The following FAM181A variants were observed in gnomAD, a reference collection of about 807,000 sequenced individuals.
FAM181A encodes the protein family with sequence similarity 181 member A.
A neutral mutation model predicts 16.3 loss-of-function variants in FAM181A; 7 were observed. The ratio of observed to expected loss-of-function variants is 0.43; its 90% confidence interval spans 0.24 to 0.81. The LOEUF (loss-of-function observed/expected upper bound fraction) is 0.81. Among genes scored for constraint, FAM181A ranks in the 30% least tolerant of loss-of-function variants. The probability of loss-of-function intolerance (pLI) is 0.24; values close to 1 mark genes in which losing one functional copy is unlikely to be tolerated. For missense variants in FAM181A, 349 were observed against 377.5 expected (o/e 0.92, Z 0.63); for synonymous variants, 183 against 164.9 (o/e 1.11, Z -0.84).
chr14:93,929,096 G>C lies in FAM181A; in HGVS notation c.811G>C (p.Val271Leu), dbSNP rs1461556804. ...GGGGCAGAAGGTGTGCAGGCCCGTG[G>C]TGCTGAAACCCATCCCCACCAAGCC... ...GLGQKVCRPV[V>L]LKPIPTKPAV... Residue 271 changes from valine to leucine, a missense_variant, in exon 2 of 2, where the codon GTG becomes CTG. Physicochemically the swap from Val to Leu is conservative, Grantham distance 32. Coordinates refer to ENST00000556222, the MANE Select transcript of FAM181A (RefSeq NM_001207073.2). 2 of 1,543,900 alleles carry C rather than the reference G, an allele frequency of 1.3e-6. No homozygotes were observed. Among genetic ancestry groups the C allele is most frequent in the East Asian group, 4.5e-5 (2 of 44,290 alleles).
At chr14:93,924,706 G>A (rs751425912), upstream of FAM181A, among the ~76,000 whole-genome samples, 5 of 152,218 alleles carry the variant, frequency 3.3e-5, no homozygotes, top group South Asian at 2.1e-4. Flanking sequence ...GGCCGGCAGC[G>A]CTTAGGCAGC....
chr14:93,922,296 T>C (rs7155685), intron 1 of FAM181A: 119,013 of 152,242 alleles, frequency 0.78, 47,438 homozygotes, highest in African/African-American at 0.92. Flanking sequence ...GCTAGGCTGC[T>C]GACTGGTGAA....
chr14:93,924,298 G>A (rs1403287910), upstream of FAM181A, among the ~76,000 whole-genome samples: 3 of 152,220 alleles, frequency 2.0e-5, no homozygotes, highest in Non-Finnish European at 4.4e-5. Context: ...GGGTGTTTGA[G>A]CTGGGCCTTT....
chr14:93,920,411 CA>C (rs919055268), intron 1 of FAM181A, among the ~76,000 whole-genome samples: 5 of 128,776 alleles, frequency 3.9e-5, no homozygotes, highest in African/African-American at 1.2e-4. Context: ...GACCTTGTCT[CA>C]AAAAAAGAAG....
chr14:93,925,068 C>T (rs1458955668), upstream of FAM181A: 1 of 538,442 alleles, frequency 1.9e-6, no homozygotes, highest in Non-Finnish European at 3.2e-6. Flanking sequence ...AAGAACAGCC[C>T]ACATTAAGAG....
Position 93,928,372 on chromosome 14 carries a change from A to G in FAM181A, c.87A>G (p.Ala29=). Residue 29 remains alanine, a synonymous_variant, in exon 2 of 2, where the codon GCA becomes GCG. Coordinates refer to ENST00000556222, the MANE Select transcript of FAM181A (RefSeq NM_001207073.2). The part of the protein sequence containing the change: ...SDIKAALDKS[A]PCRRSVDHRK... ...TCAAGGCAGCCCTGGATAAGTCCGC[A>G]CCCTGCCGCCGCTCCGTGGACCATC... is the stretch of plus-strand genomic sequence containing the variant. 1 of 1,613,278 alleles carries G rather than the reference A, an allele frequency of 6.2e-7. No homozygotes were observed. The highest frequency in any genetic ancestry group is 8.5e-7 in the Non-Finnish European group (1 of 1,179,936).
rs1035107297 is a variant in FAM181A at position 93,929,340 on chromosome 14, C to A, written c.*176C>A. 2 of 898,608 alleles carry A rather than the reference C, an allele frequency of 2.2e-6. No homozygotes were observed. The highest frequency in any genetic ancestry group is 3.3e-5 in the African/African-American group (2 of 60,236). 55.7% of individuals were successfully genotyped at this position (898,608 alleles called of 1,614,324 possible). On this transcript the variant is annotated 3_prime_UTR_variant, in exon 2 of 2. Transcript: ENST00000556222. ...CTCAGGCAGTGACCCTTCAGCCTTG[C>A]AGCCTTGGAAGCTGGGAGGCTGGAC...
upstream of FAM181A, chr14:93,925,506 C>A (rs2141254415): frequency 8.8e-6 from 6 of 680,906 alleles, no homozygotes; most frequent in Non-Finnish European, 1.4e-5. Context: ...GCCACGCGTG[C>A]CAGATGTTTT....
chr14:93,922,614 T>A (rs1887767216), upstream of FAM181A, among the ~76,000 whole-genome samples: 1 of 152,168 alleles, frequency 6.6e-6, no homozygotes, highest in Non-Finnish European at 1.5e-5. Context: ...CACTTGAACC[T>A]GGGAAGCAGA....
upstream of FAM181A, among the ~76,000 whole-genome samples, chr14:93,923,005 A>G (rs1887782444): frequency 1.3e-5 from 2 of 151,268 alleles, no homozygotes. Context: ...ATGAAGTCTC[A>G]CTCTTGTCCC....
Position 93,927,462 on chromosome 14 carries a change from T to C in FAM181A, c.-88+8T>C. ...GCCTGGGCCGCACCTTCGGTCAGTG[T>C]GGAGGCCCGGTGGCTCTGGCCCGAC... On this transcript the variant is annotated splice_region_variant and intron_variant, in intron 1 of 1. Transcript: ENST00000556222. 4.0e-6 allele frequency: 5 copies of C among 1,240,870 alleles called. No homozygotes were observed. The highest frequency in any genetic ancestry group is 1.4e-5 in the South Asian group (1 of 72,846). The allele number at this position is 1,240,870 out of a possible 1,614,324, so 76.9% of individuals were successfully genotyped here. A position where few individuals can be genotyped will look rare whatever the true frequency, so the allele number is the denominator to read the frequency against.
upstream of FAM181A, chr14:93,925,134 G>A (rs73339799): frequency 9.9e-4 from 729 of 734,830 alleles, 3 homozygotes; most frequent in African/African-American, 0.012. Flanking sequence ...CCACGGGCCT[G>A]GTGGGGAGGC....
At chr14:93,925,216 T>G (rs1887857083), upstream of FAM181A, 19 of 1,538,248 alleles carry the variant, frequency 1.2e-5, no homozygotes, top group Non-Finnish European at 1.7e-5. Flanking sequence ...GGGCTGCAGG[T>G]GCCGTGGGAT....
At chr14:93,925,220 G>T, upstream of FAM181A, 1 of 1,564,108 alleles carries the variant, frequency 6.4e-7, no homozygotes, top group Admixed American at 1.7e-5. Flanking sequence ...TGCAGGTGCC[G>T]TGGGATCTCA....
chr14:93,921,550 C>T (rs1255858503), intron 1 of FAM181A, among the ~76,000 whole-genome samples: 1 of 152,252 alleles, frequency 6.6e-6, no homozygotes, highest in African/African-American at 2.4e-5. Context: ...CTGCCGTGGG[C>T]TGGTCTTTGA....
rs1002141702 is a variant in FAM181A at position 93,929,329 on chromosome 14, C to A, written c.*165C>A. The stretch of plus-strand genomic sequence containing the variant: ...GGGCAGGGCTCCTCAGGCAGTGACC[C>A]TTCAGCCTTGCAGCCTTGGAAGCTG... On this transcript the variant is annotated 3_prime_UTR_variant, in exon 2 of 2. Coordinates refer to ENST00000556222, the MANE Select transcript of FAM181A (RefSeq NM_001207073.2). The A allele has an allele frequency of 6.1e-6, 6 of 986,982 alleles. No homozygotes were observed. In the African/African-American group the frequency reaches 9.7e-5, roughly 16 times the overall value. 61.1% of individuals were successfully genotyped at this position (986,982 alleles called of 1,614,324 possible).
rs748931023 is a variant in FAM181A, at chr14:93,929,092, C to G, written c.807C>G (p.Pro269=). The part of the protein sequence containing the change: ...VDGLGQKVCR[P]VVLKPIPTKP... ...GCCTGGGGCAGAAGGTGTGCAGGCC[C>G]GTGGTGCTGAAACCCATCCCCACCA... The change falls in exon 2 of 2, where the codon CCC becomes CCG. Residue 269 remains proline (P), a synonymous_variant. Transcript: ENST00000556222. The G allele has an allele frequency of 1.9e-5, 29 of 1,546,714 alleles. No individual in the cohort carries two copies. In the South Asian group the frequency reaches 3.0e-4, roughly 16 times the overall value.
In FAM181A at chr14:93,927,453, C is replaced by CGGTCAGT; in HGVS notation, c.-88+1_-88+7dup. ...GTTGGTGGGGCCTGGGCCGCACCTT[C>CGGTCAGT]GGTCAGTGTGGAGGCCCGGTGGCTC... On this transcript the variant is annotated splice_region_variant and 5_prime_UTR_variant, in exon 1 of 2. Coordinates refer to ENST00000556222, the MANE Select transcript of FAM181A (RefSeq NM_001207073.2). 2.4e-6 allele frequency: 3 copies of CGGTCAGT among 1,226,094 alleles called. 1 individual carries two copies. In the South Asian group the frequency reaches 4.2e-5, roughly 17 times the overall value. 76.0% of individuals were successfully genotyped at this position (1,226,094 alleles called of 1,614,324 possible). A position where few individuals can be genotyped will look rare whatever the true frequency, so the allele number is the denominator to read the frequency against.
chr14:93,928,055 C>T (rs1363040382), intron 1 of FAM181A, 144 bp from the exon 2 acceptor site: 8 of 1,333,646 alleles, frequency 6.0e-6, no homozygotes, highest in Non-Finnish European at 8.1e-6. Context: ...CAGCCACTTG[C>T]ACCCACATCC....
Sources: allele counts gnomAD v4.1 joint callset (sites outside exome capture counted in the v4.1 genomes callset), GRCh38; gene constraint gnomAD v4.1.1; transcripts MANE v1.5; gene names NCBI Gene and HGNC (gene_info 2026-07-23, HGNC 2026-07-21).